FAM162B: variants seen among roughly 807,000 people sequenced by gnomAD.
The protein encoded by FAM162B is protein FAM162B.
Under a neutral mutation model 20.0 loss-of-function variants are expected in FAM162B, and 16 were observed. The ratio of observed to expected loss-of-function variants is 0.80; its 90% CI spans 0.54 to 1.21. The LOEUF is 1.21. Ranked by LOEUF, FAM162B falls within the 50% of genes most tolerant of loss-of-function variation. FAM162B has a pLI of 0.00. For missense variants in FAM162B, 260 were observed against 227.5 expected, an observed-to-expected ratio of 1.14 and a Z score of -0.92; for synonymous variants, 83 against 89.7, an observed-to-expected ratio of 0.93 and a Z score of 0.42.
chr6:116,764,120 A>C (rs1771858043), intron 2 of FAM162B, among the ~76,000 whole-genome samples: 1 of 152,116 alleles, frequency 6.6e-6, no homozygotes, highest in South Asian at 2.1e-4. Context: ...CCCCCTAGCT[A>C]TCTGAGATGC....
Position 116,765,228 on chromosome 6 carries a change from C to T in FAM162B, c.200G>A (p.Arg67His), listed in dbSNP as rs764774214. ...HGEIHRVPTQ[R>H]RPSQFDKKIL... is the part of the protein sequence containing the mutation. ...TTTCTTGTCGAACTGCGAAGGCCTG[C>T]GCTGCGTGGGGACTCGGTGAATCTC... The change falls in exon 2 of 4, where the codon CGC (arginine) becomes CAC (histidine). Residue 67 changes from arginine to histidine, a missense_variant. Arg to His is a conservative substitution (Grantham distance 29, BLOSUM62 0). Coordinates refer to ENST00000368557, the MANE Select transcript of FAM162B (RefSeq NM_001085480.3). 1.9e-6 allele frequency: 3 copies of T among 1,613,716 alleles called. No individual in the cohort carries two copies. The African/African-American group carries it at 4.0e-5, about 22-fold the overall frequency.
Position 116,765,256 on chromosome 6 carries a change from C to G in FAM162B, c.173-1G>C, listed in dbSNP as rs1171103227. The G allele has an allele frequency of 6.2e-7, 1 of 1,613,228 alleles. No individual in the cohort carries two copies. Among genetic ancestry groups the G allele is most frequent in the Non-Finnish European group, 8.5e-7 (1 of 1,179,740 alleles). On this transcript the variant is annotated splice_acceptor_variant, in intron 1 of 3. Coordinates refer to ENST00000368557, the MANE Select transcript of FAM162B (RefSeq NM_001085480.3). LOFTEE classifies it high-confidence loss of function. Reference sequence around the variant, plus strand: ...TGCGTGGGGACTCGGTGAATCTCCCCTGCAGCGAAAGCAACCCAGATGGAC... The same window carrying G: ...TGCGTGGGGACTCGGTGAATCTCCCGTGCAGCGAAAGCAACCCAGATGGAC...
intron 3 of FAM162B, among the ~76,000 whole-genome samples, chr6:116,761,650 A>ATATATATACTTATATATG (rs145249941): frequency 0.52 from 73,658 of 141,242 alleles, 20,133 homozygotes; most frequent in African/African-American, 0.66. Flanking sequence ...ATATACACTT[A>ATATATATACTTATATATG]TATATATACT....
intron 3 of FAM162B, 64 bp downstream of exon 3, chr6:116,761,913 G>T: frequency 8.3e-7 from 1 of 1,203,132 alleles, no homozygotes; most frequent in Non-Finnish European, 1.2e-6. Context: ...TACTCTTTTA[G>T]GGAGGTACTT....
intron 3 of FAM162B, among the ~76,000 whole-genome samples, chr6:116,761,310 A>G (rs1034434211): frequency 6.6e-6 from 1 of 152,174 alleles, no homozygotes; most frequent in African/African-American, 2.4e-5. Flanking sequence ...TACATTGAGA[A>G]AGGCAAGGAA....
chr6:116,755,988 A>C (rs546849585), intron 3 of FAM162B, among the ~76,000 whole-genome samples: 1 of 152,324 alleles, frequency 6.6e-6, no homozygotes, highest in South Asian at 2.1e-4. Context: ...GGATATTTAC[A>C]AGGAGATTAA....
intron 3 of FAM162B, among the ~76,000 whole-genome samples, chr6:116,756,605 TC>T (rs1232257203): frequency 6.6e-6 from 1 of 152,190 alleles, no homozygotes; most frequent in Non-Finnish European, 1.5e-5. Flanking sequence ...GAAAATGCTG[TC>T]AAACAGCATT....
rs530684223 is a variant in FAM162B at position 116,754,932 on chromosome 6, C to G, written c.391-2237G>C. 1.8e-4 allele frequency among the ~76,000 whole-genome samples: 27 copies of G among 152,226 alleles called. No homozygotes were observed. In the South Asian group the frequency reaches 4.1e-3, roughly 23 times the overall value. ...GTGCCATAAGTATGCCCATATAAGA[C>G]AGCTAACTTAATTGATAAACATTGT... On this transcript the variant is annotated intron_variant, in intron 3 of 3. Coordinates refer to ENST00000368557, the MANE Select transcript of FAM162B (RefSeq NM_001085480.3).
rs373842750 is a variant in FAM162B at position 116,755,956 on chromosome 6, C to A, written c.391-3261G>T. Among the ~76,000 whole-genome samples the A allele has an allele frequency of 9.2e-5, 14 of 152,148 alleles. No individual in the cohort carries two copies. In the East Asian group the frequency reaches 1.2e-3, roughly 13 times the overall value. ...ATATTACTTCTCAGTGACAATGCACCTGGTCACTCAAAAGTTCTTATGGAT... is the reference window on the plus strand; with the variant it reads ...ATATTACTTCTCAGTGACAATGCACATGGTCACTCAAAAGTTCTTATGGAT... On this transcript the variant is annotated intron_variant, in intron 3 of 3. Coordinates refer to ENST00000368557, the MANE Select transcript of FAM162B (RefSeq NM_001085480.3).
intron 3 of FAM162B, among the ~76,000 whole-genome samples, chr6:116,753,264 C>T (rs1467282837): frequency 6.6e-6 from 1 of 152,142 alleles, no homozygotes; most frequent in Non-Finnish European, 1.5e-5. Flanking sequence ...TTTACCTGAA[C>T]TTGCTAACCT....
chr6:116,753,836 T>G (rs190075311), intron 3 of FAM162B, among the ~76,000 whole-genome samples: 1 of 152,126 alleles, frequency 6.6e-6, no homozygotes, highest in Non-Finnish European at 1.5e-5. Flanking sequence ...TCCACTGTTA[T>G]GAGGTCCAGG....
In FAM162B at chr6:116,765,412, T is replaced by G; in HGVS notation, c.165A>C (p.Gln55His). ...SGGAPSNSGP[Q>H]GHGEIHRVPT... The stretch of plus-strand genomic sequence containing the variant: ...GTCGGAGCCCTGGCTCACCGTGACC[T>G]TGGGGCCCAGAATTGCTGGGGGCCC... Residue 55 changes from glutamine to histidine, a missense_variant, in exon 1 of 4, where the codon CAA becomes CAC. Physicochemically the swap from Gln to His is conservative, Grantham distance 24 (BLOSUM62 0). Coordinates refer to ENST00000368557, the MANE Select transcript of FAM162B (RefSeq NM_001085480.3). 1 of 1,458,696 alleles carries G rather than the reference T, an allele frequency of 6.9e-7. No homozygotes were observed. Among genetic ancestry groups the G allele is most frequent in the Non-Finnish European group, 9.1e-7 (1 of 1,103,536 alleles). The allele number at this position is 1,458,696 out of a possible 1,614,324, so 90.4% of individuals were successfully genotyped here. A position where few individuals can be genotyped will look rare whatever the true frequency, so the allele number is the denominator to read the frequency against.
chr6:116,762,634 T>C (rs1771816873), intron 2 of FAM162B, among the ~76,000 whole-genome samples: 1 of 152,178 alleles, frequency 6.6e-6, no homozygotes, highest in Non-Finnish European at 1.5e-5. Context: ...TCATGGCTTT[T>C]GCAATAATTT....
At chr6:116,762,550 T>C (rs1327445110) in intron 2 of FAM162B, among the ~76,000 whole-genome samples, 2 of 152,024 alleles carry the variant, frequency 1.3e-5, no homozygotes, top group Non-Finnish European at 2.9e-5. Flanking sequence ...CAATCTCTTG[T>C]CCCTTCACAT....
rs781598800 is a variant in FAM162B at position 116,765,398 on chromosome 6, G to C, written c.172+7C>G. ...CCCAGGACCTCCCCGTCGGAGCCCT[G>C]GCTCACCGTGACCTTGGGGCCCAGA... On this transcript the variant is annotated splice_region_variant and intron_variant, in intron 1 of 3. Transcript: ENST00000368557. 6.8e-7 allele frequency: 1 copy of C among 1,471,590 alleles called. No individual in the cohort carries two copies. The highest frequency in any genetic ancestry group is 9.0e-7 in the Non-Finnish European group (1 of 1,108,890). The allele number at this position is 1,471,590 out of a possible 1,614,324, so 91.2% of individuals were successfully genotyped here.
intron 3 of FAM162B, among the ~76,000 whole-genome samples, chr6:116,756,941 A>C (rs1247971209): frequency 2.0e-5 from 3 of 152,254 alleles, no homozygotes; most frequent in Non-Finnish European, 4.4e-5. Context: ...TACCATTAGA[A>C]TAGATATTAA....
chr6:116,762,654 C>T (rs1037943679), intron 2 of FAM162B, among the ~76,000 whole-genome samples: 3 of 151,926 alleles, frequency 2.0e-5, no homozygotes, highest in Non-Finnish European at 4.4e-5. Context: ...TTTTGTTAAA[C>T]GTGATCAAAA....
intron 3 of FAM162B, among the ~76,000 whole-genome samples, chr6:116,757,482 G>A (rs922954782): frequency 2.0e-5 from 3 of 151,904 alleles, no homozygotes; most frequent in Admixed American, 1.3e-4. Context: ...GCAGTGGCTC[G>A]TGCCTGTAAT....
intron 3 of FAM162B, among the ~76,000 whole-genome samples, chr6:116,760,646 T>C (rs1202783416): frequency 1.3e-5 from 2 of 152,242 alleles, no homozygotes; most frequent in African/African-American, 2.4e-5. Flanking sequence ...CAGGCAGTCA[T>C]TTAACGTTAG....
Sources: allele counts gnomAD v4.1 joint callset (sites outside exome capture counted in the v4.1 genomes callset), GRCh38; gene constraint gnomAD v4.1.1; transcripts MANE v1.5; gene names NCBI Gene and HGNC (gene_info 2026-07-23, HGNC 2026-07-21).